TGFBR3: variants seen among roughly 807,000 people sequenced by gnomAD.
TGFBR3 encodes the protein transforming growth factor beta receptor 3, also known as transforming growth factor beta receptor type 3.
In TGFBR3, 46 loss-of-function variants were observed where a neutral mutation model predicts 87.9. The ratio of observed to expected loss-of-function variants is 0.52; its 90% CI spans 0.41 to 0.67. The LOEUF is 0.67. Ranked by LOEUF, TGFBR3 falls within the 30% of genes least tolerant of loss-of-function variation. The pLI is 0.00. For synonymous variants in TGFBR3, 381 were observed against 391.6 expected (o/e 0.97, Z 0.32); for missense variants, 866 against 1,041.9 (o/e 0.83, Z 2.32).
At chr1:91,848,157 T>G (rs1269556489) in intron 2 of TGFBR3, among the ~76,000 whole-genome samples, 1 of 152,174 alleles carries the variant, frequency 6.6e-6, no homozygotes, top group Non-Finnish European at 1.5e-5. Context: ...TGTAAAGGCA[T>G]GCTAAAATCA....
chr1:91,688,967 A>G (rs1033934323), intron 16 of TGFBR3, among the ~76,000 whole-genome samples: 10 of 152,146 alleles, frequency 6.6e-5, no homozygotes, highest in African/African-American at 2.4e-4. Context: ...GGAAACCCCA[A>G]TGTGACTGTA....
At chr1:91,824,208 G>GA (rs769793737) in intron 2 of TGFBR3, among the ~76,000 whole-genome samples, 2 of 151,952 alleles carry the variant, frequency 1.3e-5, no homozygotes, top group African/African-American at 2.4e-5. Flanking sequence ...GATTTTAAAA[G>GA]AAAAAAAGAG....
chr1:91,898,603 AT>A (rs911637275), intron 2 of TGFBR3, among the ~76,000 whole-genome samples: 2 of 149,884 alleles, frequency 1.3e-5, no homozygotes, highest in Non-Finnish European at 3.0e-5. Flanking sequence ...CGCCCAGCTA[AT>A]TTTTTTTTTA....
At chr1:91,807,293 T>C (rs1287111618) in intron 2 of TGFBR3, among the ~76,000 whole-genome samples, 4 of 152,162 alleles carry the variant, frequency 2.6e-5, no homozygotes, top group Non-Finnish European at 5.9e-5. Context: ...AACTTGTAAT[T>C]TGGATTTCTC....
intron 2 of TGFBR3, among the ~76,000 whole-genome samples, chr1:91,799,448 A>T (rs572218365): frequency 6.6e-6 from 1 of 152,312 alleles, no homozygotes; most frequent in South Asian, 2.1e-4. Context: ...TGCTGCCCTC[A>T]TCCTGCCCTC....
intron 6 of TGFBR3, among the ~76,000 whole-genome samples, chr1:91,728,631 G>A (rs901520464): frequency 4.6e-5 from 7 of 152,120 alleles, no homozygotes; most frequent in African/African-American, 7.2e-5. Context: ...CAGGCCTGAC[G>A]TCGAAGCACA....
chr1:91,875,910 CA>C (rs34185299), intron 1 of TGFBR3, among the ~76,000 whole-genome samples: 96 of 64,160 alleles, frequency 1.5e-3, no homozygotes, highest in Middle Eastern at 0.015. Context: ...GACTCCGTCT[CA>C]AAAAAAAAAA....
chr1:91,829,370 G>A (rs1202634985), intron 2 of TGFBR3, among the ~76,000 whole-genome samples: 2 of 148,332 alleles, frequency 1.3e-5, no homozygotes, highest in Non-Finnish European at 3.0e-5. Context: ...AGCGAGACTC[G>A]AAGGTCTTCA....
intron 2 of TGFBR3, among the ~76,000 whole-genome samples, chr1:91,892,994 A>C (rs1353036371): frequency 6.6e-6 from 1 of 152,220 alleles, no homozygotes; most frequent in African/African-American, 2.4e-5. Context: ...CACACTAAAG[A>C]AAACAACCTC....
chr1:91,833,663 A>G (rs1464656719), intron 2 of TGFBR3, among the ~76,000 whole-genome samples: 1 of 150,924 alleles, frequency 6.6e-6, no homozygotes, highest in Non-Finnish European at 1.5e-5. Context: ...CTGTAATTCC[A>G]GCTACTTGGG....
At chr1:91,885,037 T>C (rs1202632159) in intron 1 of TGFBR3, among the ~76,000 whole-genome samples, 2 of 152,240 alleles carry the variant, frequency 1.3e-5, no homozygotes, top group African/African-American at 2.4e-5. Context: ...CCAAGCACTG[T>C]TGTAGCACCT....
chr1:91,812,644 G>C (rs895688294), intron 2 of TGFBR3, among the ~76,000 whole-genome samples: 1 of 152,044 alleles, frequency 6.6e-6, no homozygotes, highest in Non-Finnish European at 1.5e-5. Context: ...GTGGAGTCTC[G>C]CTCAGTCGCC....
At chr1:91,844,502 G>C (rs1677402095) in intron 2 of TGFBR3, among the ~76,000 whole-genome samples, 1 of 152,212 alleles carries the variant, frequency 6.6e-6, no homozygotes, top group African/African-American at 2.4e-5. Context: ...GGTGTACCAT[G>C]TTCATGAATA....
intron 2 of TGFBR3, among the ~76,000 whole-genome samples, chr1:91,892,989 T>A (rs1679480342): frequency 6.6e-6 from 1 of 152,140 alleles, no homozygotes; most frequent in Non-Finnish European, 1.5e-5. Flanking sequence ...GTTAACACAC[T>A]AAAGAAAACA....
intron 5 of TGFBR3, among the ~76,000 whole-genome samples, chr1:91,730,940 A>C (rs761032346): frequency 1.3e-5 from 2 of 152,250 alleles, no homozygotes; most frequent in Non-Finnish European, 2.9e-5. Flanking sequence ...CAAGTACCAG[A>C]ATCTGAAGAC....
At chr1:91,686,043 C>T (rs2100689295) in intron 16 of TGFBR3, among the ~76,000 whole-genome samples, 1 of 152,164 alleles carries the variant, frequency 6.6e-6, no homozygotes, top group East Asian at 1.9e-4. Context: ...TCTTTTTTGG[C>T]TCACCTGGGC....
intron 2 of TGFBR3, among the ~76,000 whole-genome samples, chr1:91,895,970 C>T (rs937958479): frequency 6.6e-6 from 1 of 152,188 alleles, no homozygotes; most frequent in African/African-American, 2.4e-5. Context: ...CTCACTATTT[C>T]CATTGCTGCT....
chr1:91,741,771 C>T (rs987736516), intron 4 of TGFBR3, among the ~76,000 whole-genome samples: 2 of 152,112 alleles, frequency 1.3e-5, no homozygotes, highest in Non-Finnish European at 2.9e-5. Flanking sequence ...TGGAGGCTTG[C>T]CACAACACTG....
At chr1:91,862,328 G>T (rs1380176608) in intron 1 of TGFBR3, among the ~76,000 whole-genome samples, 2 of 152,144 alleles carry the variant, frequency 1.3e-5, no homozygotes, top group African/African-American at 4.8e-5. Flanking sequence ...GCACTGATTA[G>T]AGACTCAATC....
Sources: allele counts gnomAD v4.1 joint callset (sites outside exome capture counted in the v4.1 genomes callset), GRCh38; gene constraint gnomAD v4.1.1; transcripts MANE v1.5; gene names NCBI Gene and HGNC (gene_info 2026-07-23, HGNC 2026-07-21).